The following CUL4A variants were observed in gnomAD, a reference collection of about 807,000 sequenced individuals.
The protein encoded by CUL4A is cullin-4A.
In CUL4A, 16 loss-of-function variants were observed where a neutral mutation model predicts 95.5. The ratio of observed to expected loss-of-function variants is 0.17; its 90% CI spans 0.11 to 0.25. The LOEUF (loss-of-function observed/expected upper bound fraction) is 0.25, where lower values mean the gene tolerates loss of function less well. CUL4A is among the 10% of genes least tolerant of loss of function. The pLI, the probability that CUL4A is intolerant of heterozygous loss-of-function variation, is 1.00. For synonymous variants in CUL4A, 380 were observed against 353.1 expected (o/e 1.08, Z -0.85); for missense variants, 610 against 937.0 (o/e 0.65, Z 4.56).
intron 18 of CUL4A, among the ~76,000 whole-genome samples, chr13:113,257,773 T>A (rs2042167418): frequency 6.6e-6 from 1 of 152,174 alleles, no homozygotes; most frequent in Non-Finnish European, 1.5e-5. Flanking sequence ...TAAAAAACAT[T>A]TATACTATGT....
intron 10 of CUL4A, 141 bp downstream of exon 10, chr13:113,239,692 T>C (rs994100140): frequency 1.6e-6 from 1 of 608,498 alleles, no homozygotes; most frequent in Non-Finnish European, 2.8e-6. Flanking sequence ...GATGATAGGG[T>C]GGACAGTAGG....
intron 15 of CUL4A, among the ~76,000 whole-genome samples, chr13:113,250,089 T>C (rs2041956130): frequency 1.3e-5 from 2 of 152,318 alleles, no homozygotes; most frequent in South Asian, 2.1e-4. Context: ...TTTTTAATTA[T>C]GGTAAAATCA....
intron 5 of CUL4A, among the ~76,000 whole-genome samples, chr13:113,232,682 A>G (rs1178070596): frequency 1.3e-5 from 2 of 152,152 alleles, no homozygotes; most frequent in East Asian, 3.9e-4. Context: ...TTCTCTTCTC[A>G]GGGGAAAGCA....
intron 18 of CUL4A, among the ~76,000 whole-genome samples, chr13:113,257,494 A>G (rs1466645177): frequency 6.6e-6 from 1 of 152,172 alleles, no homozygotes; most frequent in Non-Finnish European, 1.5e-5. Context: ...GGCCTCAGGA[A>G]GTTTCCAGTC....
chr13:113,263,239 A>T (rs1187986159), intron 19 of CUL4A, among the ~76,000 whole-genome samples: 1 of 152,256 alleles, frequency 6.6e-6, no homozygotes, highest in African/African-American at 2.4e-5. Flanking sequence ...TCAGGAAACC[A>T]CACTCTGACC....
chr13:113,249,416 T>A (rs1176352540), intron 15 of CUL4A, among the ~76,000 whole-genome samples: 1 of 152,260 alleles, frequency 6.6e-6, no homozygotes, highest in Admixed American at 6.5e-5. Flanking sequence ...CCATCCGTGC[T>A]GCACCATACA....
chr13:113,243,504 T>C (rs2041778020), intron 11 of CUL4A, among the ~76,000 whole-genome samples: 1 of 152,134 alleles, frequency 6.6e-6, no homozygotes, highest in Non-Finnish European at 1.5e-5. Flanking sequence ...TCTCAAATGA[T>C]AATACTATTT....
intron 5 of CUL4A, among the ~76,000 whole-genome samples, chr13:113,232,781 C>T (rs1024578796): frequency 2.1e-4 from 32 of 152,046 alleles, no homozygotes; most frequent in African/African-American, 6.5e-4. Flanking sequence ...GAGAGTGTAC[C>T]CTGAGGGCTG....
intron 10 of CUL4A, among the ~76,000 whole-genome samples, chr13:113,242,408 T>C (rs2139229354): frequency 6.6e-6 from 1 of 152,342 alleles, no homozygotes. Context: ...CACATAAACA[T>C]TCTTTAAAAA....
intron 11 of CUL4A, among the ~76,000 whole-genome samples, chr13:113,243,445 A>G (rs2041776435): frequency 1.3e-5 from 2 of 152,176 alleles, no homozygotes; most frequent in Non-Finnish European, 2.9e-5. Context: ...GGTGATCACC[A>G]TCTTTGTATC....
chr13:113,208,233 ACAGCACCGCCCACAGCGGGCCCT>A (rs368639009), upstream of CUL4A: 6,049 of 1,491,776 alleles, frequency 4.1e-3, 170 homozygotes, highest in African/African-American at 0.066. Context: ...TCCATCCGAC[ACAGCACCGCCCACAGCGGGCCCT>A]CGGCGTGGCC....
intron 7 of CUL4A, among the ~76,000 whole-genome samples, chr13:113,234,630 T>C (rs1036566536): frequency 4.6e-5 from 7 of 152,214 alleles, no homozygotes. Context: ...TGAGGTCTCC[T>C]GCAACCGTGT....
chr13:113,223,000 G>A (rs2040956939), intron 3 of CUL4A, among the ~76,000 whole-genome samples: 1 of 152,188 alleles, frequency 6.6e-6, no homozygotes, highest in Admixed American at 6.5e-5. Flanking sequence ...GAATCGAGGG[G>A]CGAGTTTAAT....
intron 3 of CUL4A, among the ~76,000 whole-genome samples, chr13:113,226,269 G>A (rs993489414): frequency 3.9e-5 from 6 of 152,222 alleles, no homozygotes; most frequent in African/African-American, 1.2e-4. Context: ...TGAGTGTGAA[G>A]TGTCTTGCTG....
chr13:113,244,278 C>G (rs1159966594), intron 11 of CUL4A, 132 bp from the exon 12 acceptor site: 1 of 662,370 alleles, frequency 1.5e-6, no homozygotes, highest in Non-Finnish European at 2.6e-6. Context: ...CTTAGAAAAT[C>G]AGATATTTGT....
At chr13:113,244,241 C>T (rs1442812360) in intron 11 of CUL4A, 169 bp from the exon 12 acceptor site, 2 of 571,668 alleles carry the variant, frequency 3.5e-6, no homozygotes, top group Non-Finnish European at 6.3e-6. Flanking sequence ...CAAGTATTTA[C>T]TCTCACTTGA....
intron 7 of CUL4A, 53 bp downstream of exon 7, chr13:113,234,039 A>T: frequency 9.7e-7 from 1 of 1,026,702 alleles, no homozygotes; most frequent in South Asian, 1.4e-5. Context: ...GCAGATGAGC[A>T]CCTAGGAGGA....
rs747704738 is a variant in CUL4A at position 113,255,137 on chromosome 13, CT to C, written c.2031+15del. 6 of 1,586,482 alleles carry C rather than the reference CT, an allele frequency of 3.8e-6. No individual in the cohort carries two copies. The South Asian group carries it at 6.8e-5, about 18-fold the overall frequency. ...AGATGAAGGAAACTGTATGTATAAA[CT>C]TTCTCTTTTTACTTATAGGGGGTTT... On this transcript the variant is annotated intron_variant, in intron 18 of 19. Transcript: ENST00000375440.
intron 3 of CUL4A, among the ~76,000 whole-genome samples, chr13:113,225,750 G>A (rs910784822): frequency 2.0e-5 from 3 of 152,228 alleles, no homozygotes; most frequent in Admixed American, 2.0e-4. Context: ...GATGGCTGTT[G>A]GGGGTCCTTG....
Sources: allele counts gnomAD v4.1 joint callset (sites outside exome capture counted in the v4.1 genomes callset), GRCh38; gene constraint gnomAD v4.1.1; transcripts MANE v1.5; gene names NCBI Gene and HGNC (gene_info 2026-07-23, HGNC 2026-07-21).